Variants in MED13 observed in about 807,000 individuals in gnomAD.
The protein encoded by MED13 is mediator of RNA polymerase II transcription subunit 13.
In MED13, 23 loss-of-function variants were observed where a neutral mutation model predicts 225.2. The ratio of observed to expected loss-of-function variants is 0.10; its 90% CI spans 0.07 to 0.14. The LOEUF (loss-of-function observed/expected upper bound fraction) is 0.14. Among genes scored for constraint, MED13 ranks in the 10% least tolerant of loss-of-function variants. The pLI, the probability that MED13 is intolerant of heterozygous loss-of-function variation, is 1.00. For synonymous variants in MED13, 942 were observed against 889.2 expected (o/e 1.06, Z -1.06); for missense variants, 2,197 against 2,594.5 (o/e 0.85, Z 3.33).
chr17:61,949,990 A>G lies in MED13; in HGVS notation c.6291+835T>C, dbSNP rs2079883416. On this transcript the variant is annotated intron_variant, in intron 28 of 29. Coordinates refer to ENST00000397786, the MANE Select transcript of MED13 (RefSeq NM_005121.3). ...GAGCCACTGCGCCCAGCCCAAGATT[A>G]TAAATCTTTTATTCCCCAAAATAAT... 1.3e-5 allele frequency among the ~76,000 whole-genome samples: 2 copies of G among 152,172 alleles called. 1 individual carries two copies. The highest frequency in any genetic ancestry group is 4.1e-4 in the South Asian group (2 of 4,830).
intron 9 of MED13, among the ~76,000 whole-genome samples, chr17:62,003,538 G>C (rs2143552817): frequency 7.0e-6 from 1 of 142,798 alleles, no homozygotes; most frequent in East Asian, 2.2e-4. Context: ...CCAGGAGGCA[G>C]AGGTTGCAGT....
intron 28 of MED13, 25 bp from the exon 29 acceptor site, chr17:61,947,042 C>G (rs747902036): frequency 6.6e-7 from 1 of 1,523,726 alleles, no homozygotes; most frequent in Non-Finnish European, 9.1e-7. Flanking sequence ...GGTAATCAAT[C>G]AGTCAGCCAA....
chr17:61,966,785 A>G, intron 18 of MED13, 134 bp from the exon 19 acceptor site: 4 of 557,764 alleles, frequency 7.2e-6, no homozygotes, highest in Non-Finnish European at 1.1e-5. Context: ...AAAAATATCA[A>G]GGGTGTTTTT....
chr17:62,017,909 A>G (rs2080598818), intron 8 of MED13, among the ~76,000 whole-genome samples: 1 of 152,244 alleles, frequency 6.6e-6, no homozygotes, highest in African/African-American at 2.4e-5. Context: ...ACTGAGTTAC[A>G]AGCTGAAACT....
chr17:62,059,468 G>A (rs1268577259), intron 2 of MED13, among the ~76,000 whole-genome samples: 1 of 152,190 alleles, frequency 6.6e-6, no homozygotes, highest in African/African-American at 2.4e-5. Context: ...GAAGGACACT[G>A]CCTGTGAAGA....
chr17:62,005,887 T>C (rs563477996), intron 9 of MED13: 1 of 152,268 alleles, frequency 6.6e-6, no homozygotes, highest in African/African-American at 2.4e-5. Context: ...ACCATACTGA[T>C]GCTGAACTTG....
At chr17:61,956,982 T>C (rs764984422) in intron 23 of MED13, among the ~76,000 whole-genome samples, 37 of 152,220 alleles carry the variant, frequency 2.4e-4, no homozygotes, top group African/African-American at 8.9e-4. Context: ...CACATTATAA[T>C]ATATAAATTT....
chr17:61,976,754 G>A (rs1248761986), intron 16 of MED13, among the ~76,000 whole-genome samples: 2 of 152,020 alleles, frequency 1.3e-5, no homozygotes, highest in African/African-American at 4.8e-5. Flanking sequence ...CTAACACGTT[G>A]AAACCCGTCT....
At chr17:61,984,935 G>A (rs894581420) in intron 13 of MED13, 65 bp downstream of exon 13, 20 of 1,594,378 alleles carry the variant, frequency 1.3e-5, no homozygotes, top group Non-Finnish European at 1.6e-5. Context: ...ACCAAAAGGA[G>A]TGGGGAGCTT....
chr17:61,998,716 C>T (rs955668739), intron 9 of MED13, among the ~76,000 whole-genome samples: 1 of 150,164 alleles, frequency 6.7e-6, no homozygotes, highest in South Asian at 2.1e-4. Context: ...CCTCCCTCTT[C>T]GGCCTCCTGA....
intron 26 of MED13, among the ~76,000 whole-genome samples, chr17:61,953,598 A>G (rs192463289): frequency 2.6e-4 from 40 of 152,338 alleles, no homozygotes; most frequent in African/African-American, 9.4e-4. Flanking sequence ...AAAGGCAAGG[A>G]AACATTTTCC....
intron 8 of MED13, 102 bp downstream of exon 8, chr17:62,029,439 G>A (rs1401965969): frequency 1.8e-5 from 14 of 795,906 alleles, no homozygotes; most frequent in Non-Finnish European, 2.8e-5. Context: ...AAAAAATCCT[G>A]ACATATGTTC....
rs2081024015 is a variant in MED13, at chr17:62,059,798, G to C, written c.301+3269C>G. Among the ~76,000 whole-genome samples the C allele has an allele frequency of 1.3e-5, 2 of 152,168 alleles. 1 individual carries two copies. The highest frequency in any genetic ancestry group is 4.8e-5 in the African/African-American group (2 of 41,424). ...CTGAAAAAACCTTATTATGCTTTAA[G>C]ATACGTCTGATTTAAGTAACAACAT... On this transcript the variant is annotated intron_variant, in intron 2 of 29. Transcript: ENST00000397786.
At chr17:61,949,277 G>A (rs1303241479) in intron 28 of MED13, among the ~76,000 whole-genome samples, 1 of 152,142 alleles carries the variant, frequency 6.6e-6, no homozygotes, top group Non-Finnish European at 1.5e-5. Flanking sequence ...CCTAGCTGGA[G>A]TGCAGTGGCA....
In MED13 at chr17:61,997,185, T is replaced by C. The variant is rs2080354184; in HGVS notation, c.1968-1820A>G. On this transcript the variant is annotated intron_variant, in intron 9 of 29. Transcript: ENST00000397786. ...AATGCCTAACACTAGTAGCACTTGA[T>C]CTCTTACAAACTCGGGGCAAAGTAG... Among the ~76,000 whole-genome samples the C allele has an allele frequency of 1.3e-5, 2 of 152,190 alleles. 1 individual carries two copies. Among genetic ancestry groups the C allele is most frequent in the South Asian group, 4.1e-4 (2 of 4,828 alleles).
At chr17:62,054,474 C>T (rs913295281) in intron 2 of MED13, among the ~76,000 whole-genome samples, 33 of 152,114 alleles carry the variant, frequency 2.2e-4, no homozygotes, top group Non-Finnish European at 3.2e-4. Context: ...CCGTTATCTA[C>T]TTCCATTTAA....
intron 17 of MED13, among the ~76,000 whole-genome samples, chr17:61,968,817 TCAC>T (rs2080081863): frequency 2.0e-5 from 3 of 152,180 alleles, no homozygotes; most frequent in Non-Finnish European, 4.4e-5. Context: ...AGTGGAACAA[TCAC>T]GCCTTACTGC....
chr17:62,007,523 T>C (rs879594332), intron 9 of MED13: 1 of 152,050 alleles, frequency 6.6e-6, no homozygotes, highest in Non-Finnish European at 1.5e-5. Context: ...AAATAGAGAA[T>C]TTCCAAATGG....
intron 3 of MED13, among the ~76,000 whole-genome samples, chr17:62,039,276 A>G (rs1301306900): frequency 1.3e-5 from 2 of 152,166 alleles, no homozygotes; most frequent in Non-Finnish European, 2.9e-5. Flanking sequence ...GTGATACTGG[A>G]GGGAAACAAT....
Sources: gnomAD v4.1 joint callset for allele counts (sites outside exome capture counted in the v4.1 genomes callset) on GRCh38, gnomAD v4.1.1 for gene constraint, MANE v1.5 for transcripts, NCBI Gene and HGNC (gene_info 2026-07-23, HGNC 2026-07-21) for gene names.